The following TTC27 variants were observed in gnomAD, a reference collection of about 807,000 sequenced individuals.
TTC27 encodes tetratricopeptide repeat domain 27, also known as tetratricopeptide repeat protein 27.
Under a neutral mutation model 115.9 loss-of-function variants are expected in TTC27, and 79 were observed. The ratio of observed to expected loss-of-function variants is 0.68; its 90% CI spans 0.57 to 0.82. TTC27 has a LOEUF of 0.82. Ranked by LOEUF, TTC27 falls within the 40% of genes least tolerant of loss-of-function variation. The pLI is 0.00. For missense variants in TTC27, 1,054 were observed against 993.1 expected (o/e 1.06, Z -0.82); for synonymous variants, 401 against 356.0 (o/e 1.13, Z -1.42).
Position 32,812,566 on chromosome 2 carries a change from T to C in TTC27, c.2259T>C (p.Asp753=). The part of the protein sequence containing the change: ...CDTQSNCWEK[D]ITSFKEVVQR... ...CCCAGTCCAATTGTTGGGAGAAAGATATTACATCATTTAAGGAAGTTGTTC... is the reference window on the plus strand; with the variant it reads ...CCCAGTCCAATTGTTGGGAGAAAGACATTACATCATTTAAGGAAGTTGTTC... Residue 753 remains aspartate (D), a synonymous_variant, in exon 18 of 20, where the codon GAT becomes GAC. Coordinates refer to ENST00000317907, the MANE Select transcript of TTC27 (RefSeq NM_017735.5). 6.2e-7 allele frequency: 1 copy of C among 1,614,138 alleles called. No individual in the cohort carries two copies. The highest frequency in any genetic ancestry group is 8.5e-7 in the Non-Finnish European group (1 of 1,179,978).
At position 32,811,117 on chromosome 2, in the gene TTC27, T is replaced by C; in HGVS notation, c.2092T>C (p.Phe698Leu). 1 of 1,614,146 alleles carries C rather than the reference T, an allele frequency of 6.2e-7. No individual in the cohort carries two copies. Among genetic ancestry groups the C allele is most frequent in the Non-Finnish European group, 8.5e-7 (1 of 1,180,024 alleles). ...TGLKGKLQELFGRVTSRVTND... is the reference protein window; with the variant it reads ...TGLKGKLQELLGRVTSRVTND... ...CCTCAAAGGAAAGCTGCAGGAGTTA[T>C]TTGGCAGAGTGACTTCAAGAGTGAC... is the stretch of plus-strand genomic sequence containing the variant. The change falls in exon 17 of 20, where the codon TTT becomes CTT. Residue 698 changes from phenylalanine (F) to leucine (L), a missense_variant. Transcript: ENST00000317907.
intron 5 of TTC27, among the ~76,000 whole-genome samples, chr2:32,657,835 A>T (rs1036543383): frequency 8.6e-5 from 13 of 151,492 alleles, no homozygotes; most frequent in East Asian, 2.0e-4. Context: ...TAAAAAAAAA[A>T]TTTTTTTTTG....
At chr2:32,769,267 C>A (rs889376486) in intron 13 of TTC27, among the ~76,000 whole-genome samples, 2 of 152,106 alleles carry the variant, frequency 1.3e-5, no homozygotes, top group Admixed American at 6.5e-5. Flanking sequence ...TTCATGGCAC[C>A]TAAAACAAGA....
At chr2:32,709,040 A>G (rs564077966) in intron 10 of TTC27, among the ~76,000 whole-genome samples, 3 of 152,222 alleles carry the variant, frequency 2.0e-5, no homozygotes, top group Admixed American at 6.5e-5. Flanking sequence ...TCAAGAGTCA[A>G]CTGTATTTGA....
chr2:32,788,796 C>G (rs566752997), intron 16 of TTC27, among the ~76,000 whole-genome samples: 25 of 152,318 alleles, frequency 1.6e-4, no homozygotes, highest in Middle Eastern at 3.4e-3. Flanking sequence ...CTAGGCCTCT[C>G]TCATCCAGTA....
intron 17 of TTC27, 132 bp from the exon 18 acceptor site, chr2:32,812,372 A>G (rs1045876661): frequency 6.4e-6 from 4 of 624,540 alleles, no homozygotes; most frequent in Non-Finnish European, 1.1e-5. Flanking sequence ...GGTGAGAGTA[A>G]TAGACGCTGT....
intron 9 of TTC27, among the ~76,000 whole-genome samples, chr2:32,682,230 T>TA (rs1272233402): frequency 2.6e-5 from 4 of 152,264 alleles, no homozygotes; most frequent in Middle Eastern, 3.4e-3. Context: ...CTGTGTCACT[T>TA]ACTTGGTTCC....
chr2:32,702,199 A>G (rs1425666954), intron 9 of TTC27, among the ~76,000 whole-genome samples: 1 of 152,116 alleles, frequency 6.6e-6, no homozygotes, highest in Admixed American at 6.6e-5. Flanking sequence ...CAAGAGAAGG[A>G]CCAAGGGTGG....
At chr2:32,747,068 C>T (rs1385972639) in intron 12 of TTC27, among the ~76,000 whole-genome samples, 1 of 152,098 alleles carries the variant, frequency 6.6e-6, no homozygotes, top group Non-Finnish European at 1.5e-5. Context: ...ACACTCTGGC[C>T]CTTCAGACCC....
intron 9 of TTC27, among the ~76,000 whole-genome samples, chr2:32,694,256 G>T (rs886464584): frequency 1.3e-5 from 2 of 152,100 alleles, no homozygotes; most frequent in African/African-American, 4.8e-5. Flanking sequence ...TGTGTCCTTT[G>T]GGAGAAATAA....
intron 5 of TTC27, 120 bp downstream of exon 5, chr2:32,650,353 C>CTTTTTT (rs368973893): frequency 1.5e-4 from 31 of 212,444 alleles, no homozygotes; most frequent in Non-Finnish European, 1.9e-4. Flanking sequence ...TGAGTTGTTT[C>CTTTTTT]TTTTTTTTTT....
At chr2:32,678,815 T>G in intron 8 of TTC27, 41 bp from the exon 9 acceptor site, 1 of 1,426,656 alleles carries the variant, frequency 7.0e-7, no homozygotes, top group South Asian at 1.2e-5. Flanking sequence ...AGCTACAACA[T>G]GCATCTTATA....
At chr2:32,692,412 C>G (rs1666848498) in intron 9 of TTC27, among the ~76,000 whole-genome samples, 1 of 151,642 alleles carries the variant, frequency 6.6e-6, no homozygotes, top group African/African-American at 2.4e-5. Flanking sequence ...TTGCCGGGGG[C>G]TGGGGGAAGG....
Position 32,642,846 on chromosome 2 carries a change from T to C in TTC27, c.537+2436T>C, listed in dbSNP as rs184670484. Among the ~76,000 whole-genome samples, 37 of 152,124 alleles carry C rather than the reference T, an allele frequency of 2.4e-4. No homozygotes were observed. The East Asian group carries it at 6.4e-3, about 26-fold the overall frequency. ...CCACACCCGGCTAATTTTTGCATTT[T>C]TTGTAGAGACAGGGTTTCACCTTGT... On this transcript the variant is annotated intron_variant, in intron 4 of 19. Transcript: ENST00000317907.
intron 10 of TTC27, among the ~76,000 whole-genome samples, chr2:32,718,344 T>G (rs1209779948): frequency 6.6e-6 from 1 of 152,200 alleles, no homozygotes; most frequent in East Asian, 1.9e-4. Context: ...GTATTACTAA[T>G]TTTGACCATT....
intron 16 of TTC27, among the ~76,000 whole-genome samples, chr2:32,790,000 T>C (rs1247146996): frequency 7.0e-6 from 1 of 142,180 alleles, no homozygotes; most frequent in African/African-American, 2.6e-5. Context: ...CCAAAATGCA[T>C]AGAGATGCAT....
chr2:32,752,035 A>G (rs1158653938), intron 12 of TTC27, among the ~76,000 whole-genome samples: 1 of 152,188 alleles, frequency 6.6e-6, no homozygotes, highest in Non-Finnish European at 1.5e-5. Flanking sequence ...AGTCTGACCT[A>G]AATATCTGAT....
intron 10 of TTC27, among the ~76,000 whole-genome samples, chr2:32,717,549 C>T (rs566005422): frequency 1.3e-5 from 2 of 151,168 alleles, no homozygotes; most frequent in East Asian, 3.9e-4. Flanking sequence ...TTCTTGTTTC[C>T]TTTTTTTTTG....
intron 18 of TTC27, among the ~76,000 whole-genome samples, chr2:32,816,124 A>C (rs935489329): frequency 6.6e-6 from 1 of 152,064 alleles, no homozygotes; most frequent in Admixed American, 6.5e-5. Context: ...CCTGAGCAAC[A>C]TAGTGAGACC....
Sources: allele counts gnomAD v4.1 joint callset (sites outside exome capture counted in the v4.1 genomes callset), GRCh38; gene constraint gnomAD v4.1.1; transcripts MANE v1.5; gene names NCBI Gene and HGNC (gene_info 2026-07-23, HGNC 2026-07-21).